The following NEGR1 variants were observed in gnomAD, a reference collection of about 807,000 sequenced individuals.
NEGR1 encodes the protein IgLON family member 4.
In NEGR1, 10 loss-of-function variants were observed where a neutral mutation model predicts 40.9. The observed-to-expected ratio is 0.24, with a 90% CI of 0.15 to 0.42. The LOEUF (loss-of-function observed/expected upper bound fraction) is 0.42. NEGR1 is among the 10% of genes least tolerant of loss of function. The pLI is 1.00. For synonymous variants in NEGR1, 185 were observed against 166.8 expected, an observed-to-expected ratio of 1.11 and a Z score of -0.84; for missense variants, 352 against 438.9, an observed-to-expected ratio of 0.80 and a Z score of 1.77.
At position 72,268,247 on chromosome 1, in the gene NEGR1, A is replaced by G. The variant is rs537467707; in HGVS notation, c.176+14072T>C. ...CATAAGAAAGAAAACTGATAATGAA[A>G]GAACATGAACTGTGTCTGACACTGC... On this transcript the variant is annotated intron_variant, in intron 1 of 6. Coordinates refer to ENST00000357731, the MANE Select transcript of NEGR1 (RefSeq NM_173808.3). Among the ~76,000 whole-genome samples the G allele has an allele frequency of 2.0e-5, 3 of 151,580 alleles. No homozygotes were observed. The East Asian group carries it at 5.8e-4, about 29-fold the overall frequency.
chr1:71,452,077 C>A (rs530761833), intron 6 of NEGR1, among the ~76,000 whole-genome samples: 2 of 152,142 alleles, frequency 1.3e-5, no homozygotes, highest in African/African-American at 2.4e-5. Flanking sequence ...TACTATGAGA[C>A]AAAGAGTAGT....
intron 3 of NEGR1, among the ~76,000 whole-genome samples, chr1:71,751,738 A>G (rs924924102): frequency 6.6e-6 from 1 of 152,086 alleles, no homozygotes; most frequent in African/African-American, 2.4e-5. Context: ...AGCCTGTCTC[A>G]TAAGTGCCTA....
chr1:72,078,197 AAAAAATCAGACACAGCAGAGATGTG>A (rs1647832613), intron 1 of NEGR1, among the ~76,000 whole-genome samples: 1 of 152,174 alleles, frequency 6.6e-6, no homozygotes, highest in Non-Finnish European at 1.5e-5. Context: ...GTCAAATAGT[AAAAAATCAGACACAGCAGAGATGTG>A]AAGTGTAGTG....
chr1:71,800,140 G>T (rs185508732), intron 2 of NEGR1, among the ~76,000 whole-genome samples: 4 of 152,254 alleles, frequency 2.6e-5, no homozygotes, highest in Admixed American at 1.3e-4. Context: ...CTGCATAAAT[G>T]TCTTCTTTTG....
intron 1 of NEGR1, among the ~76,000 whole-genome samples, chr1:72,181,108 T>C (rs757740516): frequency 2.3e-4 from 35 of 152,114 alleles, no homozygotes; most frequent in Non-Finnish European, 5.0e-4. Flanking sequence ...CCATAGGCAT[T>C]GGCCTTTAAG....
At position 72,274,077 on chromosome 1, in the gene NEGR1, G is replaced by A. The variant is rs141987470; in HGVS notation, c.176+8242C>T. Among the ~76,000 whole-genome samples the A allele has an allele frequency of 4.0e-5, 6 of 151,420 alleles. No individual in the cohort carries two copies. In the East Asian group the frequency reaches 9.8e-4, roughly 25 times the overall value. On this transcript the variant is annotated intron_variant, in intron 1 of 6. Transcript: ENST00000357731. Reference sequence around the variant, plus strand: ...TTGGAGCCATTTTGAGACAGAAGTAGAGGCTCTGTCAAGTCAATACTGCAT... The same window carrying A: ...TTGGAGCCATTTTGAGACAGAAGTAAAGGCTCTGTCAAGTCAATACTGCAT...
chr1:71,488,370 T>C (rs891446082), intron 6 of NEGR1, among the ~76,000 whole-genome samples: 1 of 151,824 alleles, frequency 6.6e-6, no homozygotes, highest in African/African-American at 2.4e-5. Flanking sequence ...CACAGCCCTT[T>C]CCAAAACAAT....
intron 1 of NEGR1, among the ~76,000 whole-genome samples, chr1:71,986,061 G>A (rs1473104272): frequency 6.6e-6 from 1 of 152,186 alleles, no homozygotes; most frequent in African/African-American, 2.4e-5. Flanking sequence ...ACATGAAGTG[G>A]AAAATACTCA....
chr1:72,021,692 G>A (rs1462998728), intron 1 of NEGR1, among the ~76,000 whole-genome samples: 1 of 152,034 alleles, frequency 6.6e-6, no homozygotes, highest in Non-Finnish European at 1.5e-5. Flanking sequence ...CTCAAAAAGT[G>A]GAAGGAGAAC....
At chr1:71,418,075 C>T (rs201318309) in intron 6 of NEGR1, among the ~76,000 whole-genome samples, 3 of 140,490 alleles carry the variant, frequency 2.1e-5, no homozygotes, top group African/African-American at 5.2e-5. Flanking sequence ...CCAGGGTACA[C>T]TTTTTTTTTT....
chr1:72,002,524 G>A (rs1363705125), intron 1 of NEGR1, among the ~76,000 whole-genome samples: 1 of 152,048 alleles, frequency 6.6e-6, no homozygotes, highest in African/African-American at 2.4e-5. Context: ...TATGTCCAGT[G>A]AAGTGATAGA....
intron 5 of NEGR1, among the ~76,000 whole-genome samples, chr1:71,606,746 GT>G (rs80329426): frequency 0.1 from 14,465 of 139,232 alleles, 1,637 homozygotes; most frequent in African/African-American, 0.28. Context: ...ACTGGAAAGT[GT>G]TTTTTTTTTT....
At chr1:71,619,101 C>T (rs899679130) in intron 4 of NEGR1, among the ~76,000 whole-genome samples, 2 of 152,108 alleles carry the variant, frequency 1.3e-5, no homozygotes, top group Non-Finnish European at 2.9e-5. Flanking sequence ...ATTTATTTCC[C>T]TGGAACAGAT....
intron 1 of NEGR1, among the ~76,000 whole-genome samples, chr1:72,234,333 A>G (rs575507117): frequency 6.6e-6 from 1 of 152,144 alleles, no homozygotes; most frequent in African/African-American, 2.4e-5. Flanking sequence ...TTTTATGGCT[A>G]TATAGTATTC....
intron 1 of NEGR1, among the ~76,000 whole-genome samples, chr1:72,261,027 G>A (rs959175011): frequency 5.9e-5 from 9 of 152,096 alleles, no homozygotes; most frequent in African/African-American, 1.9e-4. Flanking sequence ...TTGAATTTTA[G>A]AAGGATCACA....
intron 1 of NEGR1, among the ~76,000 whole-genome samples, chr1:71,970,126 A>G (rs1646243193): frequency 6.6e-6 from 1 of 152,176 alleles, no homozygotes; most frequent in Admixed American, 6.5e-5. Flanking sequence ...TGGCAAGGTG[A>G]GACCAGAAGA....
chr1:71,747,391 G>T (rs1166584009), intron 3 of NEGR1, among the ~76,000 whole-genome samples: 1 of 151,178 alleles, frequency 6.6e-6, no homozygotes, highest in Non-Finnish European at 1.5e-5. Context: ...TCTTTCTTCT[G>T]AGTGAAAATA....
At chr1:72,080,112 T>C (rs1301993955) in intron 1 of NEGR1, among the ~76,000 whole-genome samples, 1 of 152,116 alleles carries the variant, frequency 6.6e-6, no homozygotes, top group Non-Finnish European at 1.5e-5. Flanking sequence ...ATGATGTTCA[T>C]ATTTTGGTGC....
intron 6 of NEGR1, among the ~76,000 whole-genome samples, chr1:71,479,915 T>C (rs1287659714): frequency 2.0e-5 from 3 of 151,936 alleles, no homozygotes; most frequent in Non-Finnish European, 4.4e-5. Context: ...AACTACACAA[T>C]TGTTTAGCAT....
Sources: gnomAD v4.1 joint callset for allele counts (sites outside exome capture counted in the v4.1 genomes callset) on GRCh38, gnomAD v4.1.1 for gene constraint, MANE v1.5 for transcripts, NCBI Gene and HGNC (gene_info 2026-07-23, HGNC 2026-07-21) for gene names.